The following ZNF385D variants were observed in gnomAD, a reference collection of about 807,000 sequenced individuals.
The protein encoded by ZNF385D is zinc finger protein 385D.
In ZNF385D, 15 loss-of-function variants were observed where a neutral mutation model predicts 35.8. That is an observed-to-expected ratio of 0.42 (90% CI 0.28 to 0.64). The LOEUF (loss-of-function observed/expected upper bound fraction) is 0.64. Ranked by LOEUF, ZNF385D falls within the 30% of genes least tolerant of loss-of-function variation. The pLI is 0.23. For synonymous variants in ZNF385D, 212 were observed against 186.8 expected, an observed-to-expected ratio of 1.13 and a Z score of -1.10; for missense variants, 474 against 494.6, an observed-to-expected ratio of 0.96 and a Z score of 0.39.
chr3:22,239,486 C>A (rs759718886), intron 2 of ZNF385D, among the ~76,000 whole-genome samples: 2 of 150,846 alleles, frequency 1.3e-5, no homozygotes, highest in Non-Finnish European at 2.9e-5. Flanking sequence ...ATAGAGATAT[C>A]TTTTGCTGAT....
chr3:21,625,785 AC>A (rs1389370266), intron 2 of ZNF385D, among the ~76,000 whole-genome samples: 2 of 152,246 alleles, frequency 1.3e-5, no homozygotes, highest in East Asian at 3.9e-4. Context: ...TACATGTTCA[AC>A]AGTAGCACAC....
intron 2 of ZNF385D, among the ~76,000 whole-genome samples, chr3:22,361,577 C>T (rs532224113): frequency 1.0e-3 from 152 of 152,148 alleles, no homozygotes; most frequent in African/African-American, 3.5e-3. Flanking sequence ...TCCCTTAATA[C>T]TGTCATTTAT....
intron 1 of ZNF385D, among the ~76,000 whole-genome samples, chr3:21,667,311 G>GC (rs2066437945): frequency 6.6e-6 from 1 of 152,062 alleles, no homozygotes. Flanking sequence ...ACAGGCGCAT[G>GC]CCACCATGCC....
Position 21,778,261 on chromosome 3 carries a change from C to T in ZNF385D, c.326-113233G>A, listed in dbSNP as rs116099755. On this transcript the variant is annotated intron_variant, in intron 3 of 5. Transcript: ENST00000494108. ...ACGTGCCTCTCACTGGAAGCATTTT[C>T]ATTTACTGGCTTTTAAAGAAACATT... Among the ~76,000 whole-genome samples the T allele has an allele frequency of 5.8e-3, 877 of 151,978 alleles. 11 individuals carry two copies. The highest frequency in any genetic ancestry group is 0.02 in the African/African-American group (827 of 41,486).
At chr3:21,990,695 G>A (rs1695100851) in intron 3 of ZNF385D, among the ~76,000 whole-genome samples, 2 of 152,120 alleles carry the variant, frequency 1.3e-5, no homozygotes, top group Admixed American at 1.3e-4. Context: ...CAGAAATCTT[G>A]AGTCTTTCCC....
chr3:22,221,736 G>C (rs1576518959), intron 2 of ZNF385D, among the ~76,000 whole-genome samples: 1 of 152,134 alleles, frequency 6.6e-6, no homozygotes, highest in African/African-American at 2.4e-5. Flanking sequence ...CTAAATTACA[G>C]AGTATTTGTA....
intron 3 of ZNF385D, among the ~76,000 whole-genome samples, chr3:21,938,178 TA>T (rs1701351088): frequency 6.6e-6 from 1 of 152,242 alleles, no homozygotes; most frequent in Non-Finnish European, 1.5e-5. Context: ...GTACCCATTT[TA>T]GTCGGATAAT....
intron 3 of ZNF385D, among the ~76,000 whole-genome samples, chr3:22,138,673 G>A (rs1036495615): frequency 2.6e-5 from 4 of 151,982 alleles, no homozygotes; most frequent in Non-Finnish European, 5.9e-5. Context: ...AATTCAAGAT[G>A]GATAAAAGAC....
At chr3:22,235,462 C>T (rs992513149) in intron 2 of ZNF385D, among the ~76,000 whole-genome samples, 5 of 151,992 alleles carry the variant, frequency 3.3e-5, no homozygotes, top group Non-Finnish European at 5.9e-5. Context: ...ATCAATAGAA[C>T]TAAAATATTA....
chr3:21,514,352 G>A (rs377121495), intron 3 of ZNF385D, among the ~76,000 whole-genome samples: 2 of 152,022 alleles, frequency 1.3e-5, no homozygotes, highest in African/African-American at 4.8e-5. Flanking sequence ...AAGCAGAATC[G>A]AGTGATCATA....
chr3:21,943,079 G>A (rs571490929), intron 3 of ZNF385D, among the ~76,000 whole-genome samples: 3 of 151,896 alleles, frequency 2.0e-5, no homozygotes, highest in Non-Finnish European at 4.4e-5. Context: ...AGCCAAAAAA[G>A]GTCTTAACTT....
In ZNF385D at chr3:21,724,737, G is replaced by A. The variant is rs182187288; in HGVS notation, c.22+26158C>T. Among the ~76,000 whole-genome samples the A allele has an allele frequency of 3.1e-4, 47 of 152,118 alleles. No homozygotes were observed. The East Asian group carries it at 8.9e-3, about 29-fold the overall frequency. ...AAACTCCCACACAATATTAGTGGGA[G>A]AATTTAACACCCCACTGTCAATATT... On this transcript the variant is annotated intron_variant, in intron 1 of 7. Coordinates refer to ENST00000281523, the MANE Select transcript of ZNF385D (RefSeq NM_024697.3).
intron 3 of ZNF385D, among the ~76,000 whole-genome samples, chr3:21,770,435 A>G (rs2071028022): frequency 6.6e-6 from 1 of 152,226 alleles, no homozygotes; most frequent in South Asian, 2.1e-4. Context: ...AAAGTATATG[A>G]ACAGACACTT....
intron 4 of ZNF385D, among the ~76,000 whole-genome samples, chr3:21,452,683 T>C (rs73044418): frequency 0.28 from 42,081 of 151,826 alleles, 6,473 homozygotes; most frequent in East Asian, 0.43. Flanking sequence ...CTGAAAACTA[T>C]AAAACAATGT....
chr3:21,818,512 A>G lies in ZNF385D; in HGVS notation c.326-153484T>C, dbSNP rs528705961. The stretch of plus-strand genomic sequence containing the variant: ...TTGGGTGTTATCATAATAGTGTGTT[A>G]ATTTTTAAATAAAAAGCCTATTTCT... On this transcript the variant is annotated intron_variant, in intron 3 of 5. Coordinates refer to the ZNF385D transcript ENST00000494108. 8.3e-4 allele frequency among the ~76,000 whole-genome samples: 126 copies of G among 152,320 alleles called. 2 individuals are homozygous for G. Among genetic ancestry groups the G allele is most frequent in the African/African-American group, 3.0e-3 (124 of 41,592 alleles).
At chr3:21,770,044 C>T (rs1165875954) in intron 3 of ZNF385D, among the ~76,000 whole-genome samples, 7 of 152,212 alleles carry the variant, frequency 4.6e-5, no homozygotes, top group East Asian at 3.9e-4. Context: ...ATGGAGAAAG[C>T]GGAAACTGGA....
intron 3 of ZNF385D, among the ~76,000 whole-genome samples, chr3:21,536,803 A>G (rs966785621): frequency 6.6e-6 from 1 of 152,062 alleles, no homozygotes; most frequent in East Asian, 1.9e-4. Context: ...TCTTAAATAC[A>G]GTGGCCAGAG....
chr3:22,031,742 C>G (rs1383708548), intron 3 of ZNF385D, among the ~76,000 whole-genome samples: 2 of 152,238 alleles, frequency 1.3e-5, no homozygotes, highest in Non-Finnish European at 2.9e-5. Context: ...ATATCTGCAG[C>G]AGGCTTCAAT....
At chr3:22,297,631 G>T (rs897427075) in intron 2 of ZNF385D, among the ~76,000 whole-genome samples, 2 of 152,036 alleles carry the variant, frequency 1.3e-5, no homozygotes, top group African/African-American at 4.8e-5. Flanking sequence ...GGAGCAATGA[G>T]TAATCTGACC....
Sources: allele counts gnomAD v4.1 joint callset (sites outside exome capture counted in the v4.1 genomes callset), GRCh38; gene constraint gnomAD v4.1.1; transcripts MANE v1.5; gene names NCBI Gene and HGNC (gene_info 2026-07-23, HGNC 2026-07-21).